Variants in TLN2 observed in about 807,000 individuals in gnomAD.
TLN2 encodes talin-2.
In TLN2, 118 loss-of-function variants were observed where a neutral mutation model predicts 294.7. The observed-to-expected ratio is 0.40, with a 90% CI of 0.34 to 0.47. TLN2 has a LOEUF of 0.47. Ranked by LOEUF, TLN2 falls within the 20% of genes least tolerant of loss-of-function variation. TLN2 has a pLI of 0.84. For missense variants in TLN2, 3,083 were observed against 3,282.2 expected, an observed-to-expected ratio of 0.94 and a Z score of 1.48; for synonymous variants, 1,431 against 1,304.5, an observed-to-expected ratio of 1.10 and a Z score of -2.09.
At chr15:62,550,253 T>A (rs980069797) in intron 1 of TLN2, among the ~76,000 whole-genome samples, 1 of 152,034 alleles carries the variant, frequency 6.6e-6, no homozygotes, top group Admixed American at 6.6e-5. Flanking sequence ...CAACAGGAAA[T>A]AATAGTTTAG....
At chr15:62,493,756 A>G (rs2038873548) in intron 1 of TLN2, among the ~76,000 whole-genome samples, 1 of 152,048 alleles carries the variant, frequency 6.6e-6, no homozygotes, top group African/African-American at 2.4e-5. Context: ...GACCACAGGC[A>G]CACACCACCA....
At position 62,658,410 on chromosome 15, in the gene TLN2, TG is replaced by T. The variant is rs536345145; in HGVS notation, c.788+515del. 2.5e-3 allele frequency among the ~76,000 whole-genome samples: 378 copies of T among 152,306 alleles called. 1 individual carries two copies. Among genetic ancestry groups the T allele is most frequent in the Admixed American group, 4.2e-3 (65 of 15,304 alleles). On this transcript the variant is annotated intron_variant, in intron 9 of 58. Transcript: ENST00000636159. Reference sequence around the variant, plus strand: ...CAGTTTCACTTTGGTGGAAAGTAGTTGGGACCAGAGTATGCCTTTGAGTAAG... The same window carrying T: ...CAGTTTCACTTTGGTGGAAAGTAGTTGGACCAGAGTATGCCTTTGAGTAAG...
intron 1 of TLN2, among the ~76,000 whole-genome samples, chr15:62,505,304 C>A (rs1733877756): frequency 6.6e-6 from 1 of 152,152 alleles, no homozygotes; most frequent in Admixed American, 6.5e-5. Context: ...TTTTGGTTCT[C>A]CCACCTTGCC....
chr15:62,486,054 A>G (rs1567019534), intron 1 of TLN2, among the ~76,000 whole-genome samples: 2 of 152,210 alleles, frequency 1.3e-5, no homozygotes, highest in Non-Finnish European at 2.9e-5. Context: ...AGCATTACCT[A>G]AATTCATTAA....
intron 52 of TLN2, among the ~76,000 whole-genome samples, chr15:62,814,624 AC>A (rs1373009841): frequency 6.6e-6 from 1 of 152,228 alleles, no homozygotes; most frequent in Non-Finnish European, 1.5e-5. Flanking sequence ...AAAAAGCAAG[AC>A]AGTCTTTGAA....
chr15:62,444,394 A>C (rs1595818145), intron 1 of TLN2, among the ~76,000 whole-genome samples: 1 of 152,266 alleles, frequency 6.6e-6, no homozygotes, highest in African/African-American at 2.4e-5. Flanking sequence ...GAAGCGGCAT[A>C]GGCCTTTGTC....
chr15:62,438,121 A>G (rs1029884748), intron 1 of TLN2, among the ~76,000 whole-genome samples: 1 of 152,184 alleles, frequency 6.6e-6, no homozygotes, highest in African/African-American at 2.4e-5. Context: ...AGCCTTGGTC[A>G]GGTAGTCAAA....
At chr15:62,491,349 TATACACACACACACACACACACACAC>T (rs2038709059) in intron 1 of TLN2, among the ~76,000 whole-genome samples, 5 of 84,588 alleles carry the variant, frequency 5.9e-5, no homozygotes, top group Non-Finnish European at 1.1e-4. Flanking sequence ...TATATATATA[TATACACACACACACACACACACACAC>T]ACACACACAC....
At chr15:62,549,187 G>T (rs1444797386) in intron 1 of TLN2, among the ~76,000 whole-genome samples, 1 of 152,096 alleles carries the variant, frequency 6.6e-6, no homozygotes, top group Non-Finnish European at 1.5e-5. Flanking sequence ...TTCCTGTAGG[G>T]CTCCCTGAGA....
intron 1 of TLN2, among the ~76,000 whole-genome samples, chr15:62,567,362 G>A (rs2043487914): frequency 6.6e-6 from 1 of 152,218 alleles, no homozygotes; most frequent in South Asian, 2.1e-4. Flanking sequence ...GATGTTTGAA[G>A]TTTGGAACAC....
rs1255005955 is a variant in TLN2 at position 62,844,427 on chromosome 15, C to G, written c.*3817C>G. 1 of 152,064 alleles carries G rather than the reference C, an allele frequency of 6.6e-6. No individual in the cohort carries two copies. The allele number at this position is 152,064 out of a possible 1,614,324, so 9.4% of individuals were successfully genotyped here. ...CAGCCCTCCAGGGAGCATCAGTGTA[C>G]CTGAGTCACTTTGTCTGCATCTCTT... On this transcript the variant is annotated 3_prime_UTR_variant, in exon 59 of 59. Coordinates refer to ENST00000636159, the MANE Select transcript of TLN2 (RefSeq NM_015059.3).
chr15:62,634,445 C>A (rs1400933783), intron 3 of TLN2, among the ~76,000 whole-genome samples: 1 of 152,194 alleles, frequency 6.6e-6, no homozygotes, highest in African/African-American at 2.4e-5. Context: ...TGTGGAGATA[C>A]AACAAACGTG....
intron 1 of TLN2, among the ~76,000 whole-genome samples, chr15:62,478,532 T>C (rs1392180260): frequency 6.6e-6 from 1 of 152,072 alleles, no homozygotes; most frequent in Non-Finnish European, 1.5e-5. Context: ...GGAGGCAGAC[T>C]TCTTGTCTAC....
chr15:62,469,955 TGAGA>T (rs1189563527), intron 1 of TLN2, among the ~76,000 whole-genome samples: 4 of 150,958 alleles, frequency 2.6e-5, no homozygotes, highest in South Asian at 2.1e-4. Flanking sequence ...GGTGTGTGTG[TGAGA>T]GAGAGAGCGA....
chr15:62,515,071 C>T (rs558805820), intron 1 of TLN2, among the ~76,000 whole-genome samples: 6 of 152,280 alleles, frequency 3.9e-5, no homozygotes, highest in Admixed American at 3.9e-4. Flanking sequence ...AATGAAGCTG[C>T]TTAGCTAGAG....
intron 1 of TLN2, among the ~76,000 whole-genome samples, chr15:62,426,992 G>A (rs2034753598): frequency 6.6e-6 from 1 of 152,174 alleles, no homozygotes; most frequent in African/African-American, 2.4e-5. Context: ...GCAAAAGGTA[G>A]AGAAGCTTTG....
intron 24 of TLN2, among the ~76,000 whole-genome samples, chr15:62,719,230 C>A (rs1393208741): frequency 6.6e-6 from 1 of 152,210 alleles, no homozygotes; most frequent in African/African-American, 2.4e-5. Context: ...TCTCTCCTTT[C>A]CCCTGGCTTT....
chr15:62,568,456 T>G (rs1053224865), intron 1 of TLN2, among the ~76,000 whole-genome samples: 1 of 152,162 alleles, frequency 6.6e-6, no homozygotes, highest in Non-Finnish European at 1.5e-5. Context: ...AGGTACAATT[T>G]AAAGAAAAGG....
At chr15:62,747,486 A>AT (rs1190581605) in intron 32 of TLN2, among the ~76,000 whole-genome samples, 1 of 152,212 alleles carries the variant, frequency 6.6e-6, no homozygotes. Flanking sequence ...CTTTATATCC[A>AT]TGTATTTAAA....
Sources: gnomAD v4.1 joint callset for allele counts (sites outside exome capture counted in the v4.1 genomes callset) on GRCh38, gnomAD v4.1.1 for gene constraint, MANE v1.5 for transcripts, NCBI Gene and HGNC (gene_info 2026-07-23, HGNC 2026-07-21) for gene names.